The following TMCC1 variants were observed in gnomAD, a reference collection of about 807,000 sequenced individuals.
TMCC1 encodes the protein transmembrane and coiled-coil domain family 1, also known as transmembrane and coiled-coil domains protein 1.
In TMCC1, 15 loss-of-function variants were observed where a neutral mutation model predicts 52.4. The observed-to-expected ratio is 0.29, with a 90% CI of 0.19 to 0.44. The LOEUF (loss-of-function observed/expected upper bound fraction) is 0.44. TMCC1 is among the 20% of genes least tolerant of loss of function. TMCC1 has a pLI of 1.00. For missense variants in TMCC1, 503 were observed against 806.0 expected, an observed-to-expected ratio of 0.62 and a Z score of 4.55; for synonymous variants, 279 against 301.9, an observed-to-expected ratio of 0.92 and a Z score of 0.79.
At chr3:129,713,598 C>T (rs969714468) in intron 4 of TMCC1, among the ~76,000 whole-genome samples, 1 of 151,528 alleles carries the variant, frequency 6.6e-6, no homozygotes, top group African/African-American at 2.4e-5. Context: ...ATCCTGTAAT[C>T]CCAGATACTT....
chr3:129,844,529 C>T (rs1184186943), intron 2 of TMCC1, among the ~76,000 whole-genome samples: 1 of 152,214 alleles, frequency 6.6e-6, no homozygotes, highest in East Asian at 1.9e-4. Context: ...CCTTTGTTTT[C>T]AGGAACGTAC....
At chr3:129,700,410 G>T (rs544915390) in intron 4 of TMCC1, among the ~76,000 whole-genome samples, 5 of 152,136 alleles carry the variant, frequency 3.3e-5, no homozygotes, top group Non-Finnish European at 7.4e-5. Flanking sequence ...TGAATATTGG[G>T]AGATGCTGAA....
chr3:129,670,484 C>T lies in TMCC1; in HGVS notation c.1357G>A (p.Asp453Asn). The T allele has an allele frequency of 1.2e-6, 2 of 1,614,180 alleles. No individual in the cohort carries two copies. The highest frequency in any genetic ancestry group is 2.2e-5 in the East Asian group (1 of 44,882). Reference sequence around the variant, plus strand: ...GCATCAAATCCTGAGCTCTGCATGTCCAGGGTGTTTGTTTTGGAGCTGGAT... The same window carrying T: ...GCATCAAATCCTGAGCTCTGCATGTTCAGGGTGTTTGTTTTGGAGCTGGAT... ...GASSSKTNTL[D>N]MQSSGFDALL... The change falls in exon 5 of 7, where the codon GAC (aspartate) becomes AAC (asparagine). Residue 453 changes from aspartate (D) to asparagine (N), a missense_variant. This residue lies in a region of TMCC1 where 121 missense variants were observed against 193.6 expected (regional missense o/e 0.62). Transcript: ENST00000393238.
At chr3:129,739,952 C>T (rs748923199) in intron 4 of TMCC1, among the ~76,000 whole-genome samples, 5 of 152,252 alleles carry the variant, frequency 3.3e-5, no homozygotes, top group Non-Finnish European at 7.3e-5. Context: ...TGCTATTCCT[C>T]GTCATTTATT....
chr3:129,675,830 G>A (rs2088380100), intron 4 of TMCC1, among the ~76,000 whole-genome samples: 1 of 152,030 alleles, frequency 6.6e-6, no homozygotes, highest in Non-Finnish European at 1.5e-5. Flanking sequence ...GAGGTCAGGA[G>A]ATCGAGACCA....
At chr3:129,777,434 T>G (rs1385525849) in intron 4 of TMCC1, among the ~76,000 whole-genome samples, 2 of 152,216 alleles carry the variant, frequency 1.3e-5, no homozygotes, top group Non-Finnish European at 2.9e-5. Context: ...GAAAACTACT[T>G]AGAGGTAACA....
intron 4 of TMCC1, among the ~76,000 whole-genome samples, chr3:129,805,670 C>T (rs1376142277): frequency 1.3e-5 from 2 of 152,118 alleles, no homozygotes; most frequent in Non-Finnish European, 2.9e-5. Context: ...GGGTGGCCCA[C>T]TCCTGTAATC....
chr3:129,843,446 T>A (rs1339055360), intron 2 of TMCC1, among the ~76,000 whole-genome samples: 1 of 152,068 alleles, frequency 6.6e-6, no homozygotes, highest in Non-Finnish European at 1.5e-5. Context: ...CAAAAGCTGG[T>A]TCTTTGAAAA....
intron 2 of TMCC1, among the ~76,000 whole-genome samples, chr3:129,840,190 G>C (rs931697595): frequency 2.0e-5 from 3 of 151,856 alleles, no homozygotes; most frequent in Non-Finnish European, 4.4e-5. Flanking sequence ...AGCTGGGCAT[G>C]GTGGCATATG....
intron 4 of TMCC1, among the ~76,000 whole-genome samples, chr3:129,712,729 A>G (rs2048796674): frequency 6.6e-6 from 1 of 152,156 alleles, no homozygotes; most frequent in African/African-American, 2.4e-5. Context: ...CTGGGGTTAC[A>G]GGTGTGAGCC....
At chr3:129,780,913 T>TCA (rs2055469947) in intron 4 of TMCC1, among the ~76,000 whole-genome samples, 1 of 152,158 alleles carries the variant, frequency 6.6e-6, no homozygotes, top group Non-Finnish European at 1.5e-5. Context: ...GGTTGCTAGT[T>TCA]AAATTAAAAT....
At chr3:129,721,140 A>G (rs530237308) in intron 4 of TMCC1, among the ~76,000 whole-genome samples, 151 of 152,276 alleles carry the variant, frequency 9.9e-4, no homozygotes, top group African/African-American at 3.4e-3. Context: ...AATTCCTTGT[A>G]AACACTGTGA....
At chr3:129,660,480 T>C (rs1380204006) in intron 5 of TMCC1, among the ~76,000 whole-genome samples, 2 of 152,206 alleles carry the variant, frequency 1.3e-5, no homozygotes. Context: ...TATGTCCACT[T>C]TCCCAATTTT....
intron 4 of TMCC1, among the ~76,000 whole-genome samples, chr3:129,769,829 G>C (rs879763662): frequency 3.9e-5 from 6 of 152,116 alleles, no homozygotes; most frequent in Admixed American, 3.9e-4. Context: ...AAGCTATACT[G>C]ATTTAAAGAG....
intron 2 of TMCC1, among the ~76,000 whole-genome samples, chr3:129,868,291 G>GA (rs1187686272): frequency 2.6e-5 from 4 of 151,976 alleles, no homozygotes. Flanking sequence ...CAACAGTTTG[G>GA]AAAAAATGAA....
intron 4 of TMCC1, among the ~76,000 whole-genome samples, chr3:129,745,033 G>A (rs1485373136): frequency 6.6e-6 from 1 of 152,164 alleles, no homozygotes; most frequent in African/African-American, 2.4e-5. Flanking sequence ...ATTTCAAGGG[G>A]AGATGTAGAC....
intron 1 of TMCC1, among the ~76,000 whole-genome samples, chr3:129,880,931 T>C (rs982176615): frequency 2.0e-5 from 3 of 151,560 alleles, no homozygotes; most frequent in Non-Finnish European, 4.4e-5. Context: ...TGGTGCAATC[T>C]TGGCTCACTG....
At chr3:129,830,904 A>C (rs2058877613) in intron 3 of TMCC1, among the ~76,000 whole-genome samples, 1 of 152,198 alleles carries the variant, frequency 6.6e-6, no homozygotes, top group African/African-American at 2.4e-5. Flanking sequence ...AATTCATTTG[A>C]GATTTCACAA....
At chr3:129,693,240 A>G (rs754587513) in intron 4 of TMCC1, among the ~76,000 whole-genome samples, 4 of 152,196 alleles carry the variant, frequency 2.6e-5, no homozygotes, top group African/African-American at 7.2e-5. Context: ...TTATTTGTGT[A>G]TAATTTTCTT....
Sources: allele counts gnomAD v4.1 joint callset (sites outside exome capture counted in the v4.1 genomes callset), GRCh38; gene constraint gnomAD v4.1.1; regional missense constraint gnomAD v4.1.1; transcripts MANE v1.5; gene names NCBI Gene and HGNC (gene_info 2026-07-23, HGNC 2026-07-21).